The following RBPJ variants were observed in gnomAD, a reference collection of about 807,000 sequenced individuals.
RBPJ encodes recombining binding protein suppressor of hairless.
In RBPJ, 9 loss-of-function variants were observed where a neutral mutation model predicts 67.8. The observed-to-expected ratio is 0.13, with a 90% CI of 0.08 to 0.23. The LOEUF is 0.23. Among genes scored for constraint, RBPJ ranks in the 10% least tolerant of loss-of-function variants. The pLI, the probability that RBPJ is intolerant of heterozygous loss-of-function variation, is 1.00. For missense variants in RBPJ, 305 were observed against 595.6 expected, an observed-to-expected ratio of 0.51 and a Z score of 5.08; for synonymous variants, 198 against 203.3, an observed-to-expected ratio of 0.97 and a Z score of 0.22.
intron 1 of RBPJ, among the ~76,000 whole-genome samples, chr4:26,280,814 G>A (rs1156656118): frequency 6.6e-6 from 1 of 152,064 alleles, no homozygotes; most frequent in Non-Finnish European, 1.5e-5. Context: ...CTTCCCATGT[G>A]CTATCCAGTT....
At position 26,275,966 on chromosome 4, in the gene RBPJ, C is replaced by A. The variant is rs184986095; in HGVS notation, c.-166-86480C>A. Reference sequence around the variant, plus strand: ...ATGGCTGAAAAAGGATACTTAGTGACATGCTAACAGCTTTAAAGCTATTGT... The same window carrying A: ...ATGGCTGAAAAAGGATACTTAGTGAAATGCTAACAGCTTTAAAGCTATTGT... On this transcript the variant is annotated intron_variant, in intron 1 of 4. Coordinates refer to the RBPJ transcript ENST00000512351. Among the ~76,000 whole-genome samples the A allele has an allele frequency of 2.7e-5, 4 of 150,726 alleles. No individual in the cohort carries two copies. In the East Asian group the frequency reaches 8.0e-4, roughly 30 times the overall value.
At chr4:26,131,903 C>T in the RBPJ span, among the ~76,000 whole-genome samples, 31 of 152,282 alleles carry the variant, frequency 2.0e-4, no homozygotes, top group African/African-American at 6.7e-4. Flanking sequence ...TGGGTGCTTT[C>T]GGGGGTAGTT....
chr4:26,205,522 C>A (rs1358042592), intron 1 of RBPJ, among the ~76,000 whole-genome samples: 1 of 152,160 alleles, frequency 6.6e-6, no homozygotes, highest in East Asian at 1.9e-4. Context: ...AGCCTGTAAT[C>A]CTAGCTACTT....
chr4:26,415,734 A>ATTTTTTTCTTTAATT (rs1734520131), intron 4 of RBPJ, 94 bp downstream of exon 4: 1 of 1,222,980 alleles, frequency 8.2e-7, no homozygotes, highest in Admixed American at 2.5e-5. Flanking sequence ...TTTTTCTTTA[A>ATTTTTTTCTTTAATT]TAACTATTGG....
At chr4:26,294,022 T>C (rs1453963661) in intron 1 of RBPJ, among the ~76,000 whole-genome samples, 1 of 152,118 alleles carries the variant, frequency 6.6e-6, no homozygotes, top group Non-Finnish European at 1.5e-5. Flanking sequence ...CCTCCCAAAG[T>C]GCTGGGATTA....
chr4:26,424,605 T>TAA lies in RBPJ; in HGVS notation c.635-26_635-25insAA. 2 of 1,572,228 alleles carry TAA rather than the reference T, an allele frequency of 1.3e-6. No homozygotes were observed. The highest frequency in any genetic ancestry group is 2.3e-5 in the South Asian group (2 of 87,264). On this transcript the variant is annotated intron_variant, in intron 6 of 10. Transcript: ENST00000355476. This position sits in a 1 kb window ranked among gnomAD's most constrained non-coding sequence, Gnocchi z 5.3. ...AAAATAAATTTAAAAAGATGACAAT[T>TAA]TGATTTATTTTTCCACCTACTGCAG...
At chr4:26,296,026 G>T (rs1034035543) in intron 1 of RBPJ, among the ~76,000 whole-genome samples, 7 of 152,186 alleles carry the variant, frequency 4.6e-5, no homozygotes, top group African/African-American at 1.7e-4. Flanking sequence ...GAGCCCAAAT[G>T]AGTTCATAAA....
At chr4:26,301,316 G>A (rs1267018638) in intron 1 of RBPJ, among the ~76,000 whole-genome samples, 3 of 152,162 alleles carry the variant, frequency 2.0e-5, no homozygotes, top group Non-Finnish European at 4.4e-5. Flanking sequence ...GGGATAGCCG[G>A]GCATGGTGGC....
intron 1 of RBPJ, among the ~76,000 whole-genome samples, chr4:26,204,327 G>C (rs1226458194): frequency 6.6e-6 from 1 of 152,316 alleles, no homozygotes; most frequent in African/African-American, 2.4e-5. Flanking sequence ...GAATCTAGCA[G>C]AGGAAGTTGT....
At chr4:26,225,563 A>G (rs112856669) in intron 1 of RBPJ, among the ~76,000 whole-genome samples, 166 of 152,322 alleles carry the variant, frequency 1.1e-3, no homozygotes, top group African/African-American at 3.8e-3. Flanking sequence ...CCCATAGAAT[A>G]TACAACACAA....
intron 1 of RBPJ, among the ~76,000 whole-genome samples, chr4:26,214,332 GAGAA>G (rs1441705107): frequency 3.4e-5 from 4 of 116,442 alleles, no homozygotes; most frequent in East Asian, 2.8e-4. Flanking sequence ...AGGGAGGGAA[GAGAA>G]AGAAAGAAAA....
At chr4:26,295,100 A>G (rs953769912) in intron 1 of RBPJ, among the ~76,000 whole-genome samples, 2 of 152,208 alleles carry the variant, frequency 1.3e-5, no homozygotes, top group Admixed American at 1.3e-4. Context: ...AAAGAGCCGT[A>G]AATCACTGAA....
chr4:26,325,588 A>T (rs977437809), intron 1 of RBPJ, among the ~76,000 whole-genome samples: 1 of 152,256 alleles, frequency 6.6e-6, no homozygotes, highest in African/African-American at 2.4e-5. Context: ...TGTGAAGATT[A>T]AATGAGATAA....
chr4:26,250,834 C>A (rs373356885), intron 1 of RBPJ, among the ~76,000 whole-genome samples: 3 of 152,296 alleles, frequency 2.0e-5, no homozygotes, highest in African/African-American at 7.2e-5. Context: ...CTGTGGACAT[C>A]TTTTCAAGTC....
intron 1 of RBPJ, among the ~76,000 whole-genome samples, chr4:26,263,269 A>G (rs1720598080): frequency 6.6e-6 from 1 of 152,148 alleles, no homozygotes; most frequent in Admixed American, 6.6e-5. Context: ...CCACACACTT[A>G]GACAACCAGG....
At chr4:26,120,593 C>T in the RBPJ span, among the ~76,000 whole-genome samples, 2 of 152,094 alleles carry the variant, frequency 1.3e-5, no homozygotes, top group Non-Finnish European at 2.9e-5. Context: ...TGCCTTCATC[C>T]TAACCTTGGC....
chr4:26,383,191 G>T (rs140547304), intron 1 of RBPJ, among the ~76,000 whole-genome samples: 9 of 152,274 alleles, frequency 5.9e-5, no homozygotes, highest in African/African-American at 1.9e-4. Context: ...TGTTGCACAG[G>T]CGTGTTTTGT....
chr4:26,121,165 C>T, the RBPJ span, among the ~76,000 whole-genome samples: 1 of 152,130 alleles, frequency 6.6e-6, no homozygotes, highest in Non-Finnish European at 1.5e-5. Context: ...CAAGCACTCA[C>T]CTGATGCATC....
intron 1 of RBPJ, chr4:26,321,567 C>T (rs929783092): frequency 1.3e-5 from 2 of 152,596 alleles, no homozygotes; most frequent in Non-Finnish European, 2.9e-5. Flanking sequence ...TGTCCTTCCT[C>T]CCGTGCCCCT....
Sources: allele counts gnomAD v4.1 joint callset (sites outside exome capture counted in the v4.1 genomes callset), GRCh38; gene constraint gnomAD v4.1.1; non-coding constraint Gnocchi (gnomAD v3.1); transcripts MANE v1.5; gene names NCBI Gene and HGNC (gene_info 2026-07-23, HGNC 2026-07-21).